The following IL4I1 variants were observed in gnomAD, a reference collection of about 807,000 sequenced individuals.
The protein encoded by IL4I1 is L-amino-acid oxidase.
Under a neutral mutation model 29.7 loss-of-function variants are expected in IL4I1, and 24 were observed. The observed-to-expected ratio is 0.81, with a 90% confidence interval of 0.59 to 1.14. IL4I1 has a LOEUF of 1.14. Ranked by LOEUF, IL4I1 falls within the 50% of genes most tolerant of loss-of-function variation. The pLI is 0.00. For missense variants in IL4I1, 686 were observed against 785.6 expected (o/e 0.87, Z 1.52); for synonymous variants, 371 against 352.5 (o/e 1.05, Z -0.59).
At chr19:49,902,603 G>A (rs377692080) in intron 3 of IL4I1, among the ~76,000 whole-genome samples, 89 of 152,162 alleles carry the variant, frequency 5.8e-4, no homozygotes, top group African/African-American at 1.9e-3. Flanking sequence ...CGAGGTGAGC[G>A]GATCACCTGA....
upstream of IL4I1, among the ~76,000 whole-genome samples, chr19:49,898,355 A>G (rs1169289093): frequency 6.6e-6 from 1 of 152,046 alleles, no homozygotes; most frequent in Non-Finnish European, 1.5e-5. Context: ...AATAGTAATG[A>G]GGGCCGGGTG....
At chr19:49,900,092 C>T (rs1473620274), upstream of IL4I1, among the ~76,000 whole-genome samples, 1 of 152,230 alleles carries the variant, frequency 6.6e-6, no homozygotes, top group South Asian at 2.1e-4. Flanking sequence ...CTGCCTTGGC[C>T]TCCCAGAGTG....
chr19:49,908,779 C>T lies in IL4I1; in HGVS notation c.-227-4458G>A, dbSNP rs779988275. ...GGAAGTGCCGCTCCTGGTCCTCTAG[C>T]TCCAGGCTCCATTTGTTGATCAGGC... On this transcript the variant is annotated intron_variant, in intron 2 of 9. Coordinates refer to the IL4I1 transcript ENST00000341114. 8.1e-6 allele frequency: 13 copies of T among 1,613,790 alleles called. No homozygotes were observed. The highest frequency in any genetic ancestry group is 6.6e-5 in the South Asian group (6 of 91,092).
chr19:49,902,107 C>A (rs958576411), intron 3 of IL4I1, among the ~76,000 whole-genome samples: 5 of 151,750 alleles, frequency 3.3e-5, no homozygotes, highest in Admixed American at 6.6e-5. Flanking sequence ...TCAAGTGGTT[C>A]TCCTGCCTCA....
upstream of IL4I1, among the ~76,000 whole-genome samples, chr19:49,899,122 C>A (rs191330810): frequency 2.2e-3 from 335 of 152,350 alleles, 1 homozygote; most frequent in Middle Eastern, 6.8e-3. Context: ...TGGCATTCCT[C>A]ACCAGGTCGG....
intron 1 of IL4I1, chr19:49,928,598 G>C (rs2122805487): frequency 6.6e-6 from 1 of 152,176 alleles, no homozygotes; most frequent in Non-Finnish European, 1.5e-5. Flanking sequence ...TCTTATTTGA[G>C]TCTCATAAAC....
intron 2 of IL4I1, chr19:49,909,448 G>T: frequency 3.1e-6 from 5 of 1,614,106 alleles, no homozygotes; most frequent in African/African-American, 1.3e-5. Flanking sequence ...CATTAGTGAG[G>T]TTGCTGCTGC....
chr19:49,927,879 G>A (rs1444150818), intron 1 of IL4I1: 1 of 152,298 alleles, frequency 6.6e-6, no homozygotes, highest in African/African-American at 2.4e-5. Context: ...GCATGAGAAG[G>A]GGCAAGATGG....
intron 2 of IL4I1, chr19:49,908,261 C>T (rs1248537976): frequency 1.2e-6 from 2 of 1,613,508 alleles, no homozygotes; most frequent in East Asian, 2.2e-5. Flanking sequence ...GATCCGGAAG[C>T]TGCGCTCCTG....
At chr19:49,923,151 G>A (rs2075804486) in intron 2 of IL4I1, among the ~76,000 whole-genome samples, 1 of 152,158 alleles carries the variant, frequency 6.6e-6, no homozygotes, top group African/African-American at 2.4e-5. Flanking sequence ...AGGGGCTCTG[G>A]AGGACTGTGG....
At chr19:49,908,045 C>T in intron 2 of IL4I1, 1 of 1,242,618 alleles carries the variant, frequency 8.0e-7, no homozygotes, top group Non-Finnish European at 1.1e-6. Context: ...CATGAGGCTG[C>T]TGCCTGGGCA....
In IL4I1 at chr19:49,896,040, G is replaced by A. The variant is rs144043418; in HGVS notation, c.27C>T (p.Leu9=). The A allele has an allele frequency of 8.7e-6, 14 of 1,613,892 alleles. No individual in the cohort carries two copies. The highest frequency in any genetic ancestry group is 5.0e-5 in the Admixed American group (3 of 59,978). Residue 9 remains leucine (L), a synonymous_variant, in exon 3 of 8, where the codon CTC becomes CTT. Coordinates refer to ENST00000391826, the MANE Select transcript of IL4I1 (RefSeq NM_152899.2). Reference sequence around the variant, plus strand: ...GGCTGAGGAGGATGGGGACGAGGACGAGGAGGTGCAGGGCTGGGAGGAGGA... The same window carrying A: ...GGCTGAGGAGGATGGGGACGAGGACAAGGAGGTGCAGGGCTGGGAGGAGGA... MAPLALHL[L]VLVPILLSLV... is the part of the protein sequence containing the mutation.
At chr19:49,911,452 C>T (rs1429745790) in intron 2 of IL4I1, 3 of 152,124 alleles carry the variant, frequency 2.0e-5, no homozygotes, top group African/African-American at 4.8e-5. Context: ...AGGTCTGTTT[C>T]CTCTTCCCTC....
rs1451544344 is a variant in IL4I1, at chr19:49,890,389, G to A, written c.985C>T (p.Arg329Cys). ...GGCAGCGGCGGCGAGAAGGTGATGC[G>A]CTTCACCGCCGGTCCGCTCGCCGTC... ...LLTASGPAVK[R>C]ITFSPPLPRH... is the part of the protein sequence containing the mutation. Residue 329 changes from arginine (R) to cysteine (C), a missense_variant, in exon 8 of 8, where the codon CGC becomes TGC. Coordinates refer to ENST00000391826, the MANE Select transcript of IL4I1 (RefSeq NM_152899.2). 5.0e-6 allele frequency: 8 copies of A among 1,604,170 alleles called. No homozygotes were observed. The highest frequency in any genetic ancestry group is 6.8e-6 in the Non-Finnish European group (8 of 1,177,004).
chr19:49,908,113 A>C, intron 2 of IL4I1: 1 of 1,508,886 alleles, frequency 6.6e-7, no homozygotes, highest in Non-Finnish European at 8.8e-7. Flanking sequence ...GATCATGTCA[A>C]GGGCAGTCAT....
chr19:49,890,066 G>C lies in IL4I1; in HGVS notation c.1308C>G (p.Asp436Glu). The C allele has an allele frequency of 1.9e-6, 3 of 1,549,350 alleles. No homozygotes were observed. The highest frequency in any genetic ancestry group is 2.6e-6 in the Non-Finnish European group (3 of 1,147,082). Residue 436 changes from aspartate (D) to glutamate (E), a missense_variant, in exon 8 of 8, where the codon GAC becomes GAG. By Grantham distance (45) the Asp-to-Glu change is conservative. Transcript: ENST00000391826. ...LHGPVVRQLW[D>E]GTGVVKRWAE... ...CCCAACGCTTGACGACGCCGGTGCC[G>C]TCCCAGAGCTGGCGCACGACAGGCC...
chr19:49,922,177 C>T (rs751670435), intron 2 of IL4I1, among the ~76,000 whole-genome samples: 11 of 152,328 alleles, frequency 7.2e-5, no homozygotes, highest in South Asian at 2.1e-4. Flanking sequence ...CAAATAGATG[C>T]GAGTCATGGG....
Position 49,890,507 on chromosome 19 carries a change from C to G in IL4I1, c.867G>C (p.Ala289=). ...GLVLLNAPVV[A]MTQGPHDVHV... is the part of the protein sequence containing the mutation. Reference sequence around the variant, plus strand: ...GCACATCGTGCGGTCCCTGGGTCATCGCCACCACGGGCGCGTTCAACAGCA... The same window carrying G: ...GCACATCGTGCGGTCCCTGGGTCATGGCCACCACGGGCGCGTTCAACAGCA... Residue 289 remains alanine (A), a synonymous_variant, in exon 8 of 8, where the codon GCG becomes GCC. Coordinates refer to ENST00000391826, the MANE Select transcript of IL4I1 (RefSeq NM_152899.2). 1 of 1,610,758 alleles carries G rather than the reference C, an allele frequency of 6.2e-7. No individual in the cohort carries two copies. The highest frequency in any genetic ancestry group is 8.5e-7 in the Non-Finnish European group (1 of 1,179,620).
At chr19:49,909,639 T>C in intron 2 of IL4I1, 1 of 1,614,060 alleles carries the variant, frequency 6.2e-7, no homozygotes. Flanking sequence ...AACAGGCCGG[T>C]GGAAGGGGTA....
Sources: gnomAD v4.1 joint callset for allele counts (sites outside exome capture counted in the v4.1 genomes callset) on GRCh38, gnomAD v4.1.1 for gene constraint, MANE v1.5 for transcripts, NCBI Gene and HGNC (gene_info 2026-07-23, HGNC 2026-07-21) for gene names.